Variants in TMEM98 observed in about 807,000 individuals in gnomAD.
TMEM98 encodes the protein transmembrane protein 98.
A neutral mutation model predicts 25.0 loss-of-function variants in TMEM98; 18 were observed. The ratio of observed to expected loss-of-function variants is 0.72; its 90% confidence interval spans 0.50 to 1.07. The LOEUF (loss-of-function observed/expected upper bound fraction) is 1.07. Among genes scored for constraint, TMEM98 ranks in the 50% least tolerant of loss-of-function variants. TMEM98 has a pLI of 0.00. For synonymous variants in TMEM98, 103 were observed against 112.4 expected (o/e 0.92, Z 0.53); for missense variants, 241 against 289.0 (o/e 0.83, Z 1.20).
intron 7 of TMEM98, among the ~76,000 whole-genome samples, chr17:32,940,479 G>T (rs928794092): frequency 6.6e-6 from 1 of 152,140 alleles, no homozygotes; most frequent in African/African-American, 2.4e-5. Flanking sequence ...ATGTTAATAG[G>T]TGTGCTGCAG....
chr17:32,938,679 A>G (rs1372879359), intron 6 of TMEM98, among the ~76,000 whole-genome samples: 4 of 152,118 alleles, frequency 2.6e-5, no homozygotes, highest in African/African-American at 9.7e-5. Flanking sequence ...TTTTTCCTGA[A>G]TACAAGAGTA....
chr17:32,934,174 C>G, intron 4 of TMEM98, 117 bp from the exon 5 acceptor site: 1 of 1,103,338 alleles, frequency 9.1e-7, no homozygotes, highest in Non-Finnish European at 1.4e-6. Flanking sequence ...TTCCCACTCT[C>G]AGTGGTTGGT....
At chr17:32,929,922 A>C (rs1331941941) in intron 1 of TMEM98, among the ~76,000 whole-genome samples, 1 of 151,958 alleles carries the variant, frequency 6.6e-6, no homozygotes, top group Non-Finnish European at 1.5e-5. Flanking sequence ...GTGGTTTGTC[A>C]CCTGTCTGCC....
At chr17:32,933,420 C>A in intron 4 of TMEM98, 115 bp downstream of exon 4, 1 of 1,422,576 alleles carries the variant, frequency 7.0e-7, no homozygotes, top group Non-Finnish European at 9.7e-7. Flanking sequence ...TTACTTGCTG[C>A]TCTTTCCTGT....
At chr17:32,937,850 C>G (rs995735517) in intron 6 of TMEM98, among the ~76,000 whole-genome samples, 1 of 152,166 alleles carries the variant, frequency 6.6e-6, no homozygotes, top group African/African-American at 2.4e-5. Flanking sequence ...CTCAGCCTCC[C>G]ACAGTGCTGG....
At chr17:32,938,887 C>CT (rs1452965489) in intron 6 of TMEM98, among the ~76,000 whole-genome samples, 2 of 152,096 alleles carry the variant, frequency 1.3e-5, no homozygotes, top group Non-Finnish European at 2.9e-5. Flanking sequence ...GGCAATTTGC[C>CT]TTTTTAATAT....
At chr17:32,932,694 T>C (rs1355109013) in intron 3 of TMEM98, among the ~76,000 whole-genome samples, 1 of 152,116 alleles carries the variant, frequency 6.6e-6, no homozygotes, top group African/African-American at 2.4e-5. Flanking sequence ...ACTTTTCCAG[T>C]GTAACTAGGA....
In TMEM98 at chr17:32,941,321, G is replaced by A. The variant is rs2091529989; in HGVS notation, c.*328G>A. ...TGAGCCACCGTCTAAGAAATCAAGAGGTTTCACATTAAAATTAGAATTTCT... is the reference window on the plus strand; with the variant it reads ...TGAGCCACCGTCTAAGAAATCAAGAAGTTTCACATTAAAATTAGAATTTCT... On this transcript the variant is annotated 3_prime_UTR_variant, in exon 8 of 8. Transcript: ENST00000579849. 5.2e-6 allele frequency: 1 copy of A among 192,290 alleles called. No individual in the cohort carries two copies. Among genetic ancestry groups the A allele is most frequent in the African/African-American group, 2.3e-5 (1 of 42,826 alleles). The allele number at this position is 192,290 out of a possible 1,614,324, so 11.9% of individuals were successfully genotyped here.
intron 7 of TMEM98, 69 bp from the exon 8 acceptor site, chr17:32,940,717 C>G: frequency 6.9e-7 from 1 of 1,456,946 alleles, no homozygotes. Context: ...AAAAGTCTAT[C>G]TATTTGGGCT....
intron 1 of TMEM98, among the ~76,000 whole-genome samples, chr17:32,930,733 A>G (rs74353814): frequency 3.1e-4 from 6 of 19,270 alleles, no homozygotes; most frequent in African/African-American, 1.0e-3. Flanking sequence ...GATTACTAAT[A>G]TGTCCACTTC....
Position 32,931,632 on chromosome 17 carries a change from G to C in TMEM98, c.104G>C (p.Arg35Pro), listed in dbSNP as rs775525737. The change falls in exon 3 of 8, where the codon CGA becomes CCA. Residue 35 changes from arginine (R) to proline (P), a missense_variant. Transcript: ENST00000579849. ...TGCAGGCAGCGCTACTGCCGGCCGCGAGACCTGCTGCAGCGCTATGATTCT... is the reference window on the plus strand; with the variant it reads ...TGCAGGCAGCGCTACTGCCGGCCGCCAGACCTGCTGCAGCGCTATGATTCT... ...LVCRQRYCRPRDLLQRYDSKP... is the reference protein window; with the variant it reads ...LVCRQRYCRPPDLLQRYDSKP... 1.8e-5 allele frequency: 29 copies of C among 1,605,484 alleles called. No individual in the cohort carries two copies. Among genetic ancestry groups the C allele is most frequent in the Non-Finnish European group, 2.5e-5 (29 of 1,176,604 alleles).
chr17:32,933,180 T>C lies in TMEM98; in HGVS notation c.138T>C (p.Ile46=). Residue 46 remains isoleucine, a synonymous_variant, in exon 4 of 8, where the codon ATT becomes ATC. Transcript: ENST00000579849. The part of the protein sequence containing the change: ...DLLQRYDSKP[I]VDLIGAMETQ... ...CGGGGGCCTTTTCTTCCAGGCCCAT[T>C]GTGGACCTCATTGGTGCCATGGAGA... 1 of 1,614,074 alleles carries C rather than the reference T, an allele frequency of 6.2e-7. No homozygotes were observed. Among genetic ancestry groups the C allele is most frequent in the Admixed American group, 1.7e-5 (1 of 60,018 alleles).
rs946509838 is a variant in TMEM98 at position 32,941,809 on chromosome 17, T to C, written c.*816T>C. On this transcript the variant is annotated 3_prime_UTR_variant, in exon 8 of 8. Transcript: ENST00000579849. ...GCTCACACCTGTAATCCTCGCACTT[T>C]GGGAGGCTAAGGTGGGTGGATTGCT... is the stretch of plus-strand genomic sequence containing the variant. 2 of 152,218 alleles carry C rather than the reference T, an allele frequency of 1.3e-5. No homozygotes were observed. The highest frequency in any genetic ancestry group is 4.8e-5 in the African/African-American group (2 of 41,432). 9.4% of individuals were successfully genotyped at this position (152,218 alleles called of 1,614,324 possible).
intron 7 of TMEM98, 70 bp downstream of exon 7, chr17:32,939,606 A>G: frequency 1.3e-6 from 2 of 1,588,710 alleles, no homozygotes. Context: ...CAGATCTGTG[A>G]GGCTGGCTGA....
At chr17:32,940,033 C>T (rs577916378) in intron 7 of TMEM98, among the ~76,000 whole-genome samples, 1 of 152,296 alleles carries the variant, frequency 6.6e-6, no homozygotes, top group South Asian at 2.1e-4. Flanking sequence ...ATACCAGATG[C>T]AACCCATTTA....
intron 7 of TMEM98, 88 bp downstream of exon 7, chr17:32,939,624 G>T (rs117644129): frequency 6.5e-7 from 1 of 1,545,902 alleles, no homozygotes; most frequent in South Asian, 1.1e-5. Flanking sequence ...TGACTGGCTT[G>T]TGTAGGGAGG....
Position 32,944,135 on chromosome 17 carries a change from C to T in TMEM98, c.*3142C>T, listed in dbSNP as rs1022914066. ...TCCCCTGGTGCTCCCCCTGACCTGC[C>T]TCATTCCAGGAGTTCCCTCTCCAGA... On this transcript the variant is annotated 3_prime_UTR_variant, in exon 8 of 8. Transcript: ENST00000579849. 6.6e-5 allele frequency: 10 copies of T among 152,206 alleles called. No homozygotes were observed. Among genetic ancestry groups the T allele is most frequent in the African/African-American group, 2.4e-4 (10 of 41,492 alleles). 9.4% of individuals were successfully genotyped at this position (152,206 alleles called of 1,614,324 possible).
chr17:32,933,722 G>C (rs1259932043), intron 4 of TMEM98, among the ~76,000 whole-genome samples: 1 of 152,174 alleles, frequency 6.6e-6, no homozygotes, highest in Non-Finnish European at 1.5e-5. Context: ...TCCATTCCCT[G>C]GTCCCATGTT....
chr17:32,944,238 G>A lies in TMEM98; in HGVS notation c.*3245G>A, dbSNP rs189163143. The A allele has an allele frequency of 5.9e-5, 9 of 152,344 alleles. No homozygotes were observed. Among genetic ancestry groups the A allele is most frequent in the African/African-American group, 1.9e-4 (8 of 41,582 alleles). The allele number at this position is 152,344 out of a possible 1,614,324, so 9.4% of individuals were successfully genotyped here. On this transcript the variant is annotated 3_prime_UTR_variant, in exon 8 of 8. Coordinates refer to ENST00000579849, the MANE Select transcript of TMEM98 (RefSeq NM_015544.3). ...GGCCCTGCATTGCTTTATGGCCTTG[G>A]AAATGTGGGGAAAGTGTCAGATGAA...
Sources: allele counts gnomAD v4.1 joint callset (sites outside exome capture counted in the v4.1 genomes callset), GRCh38; gene constraint gnomAD v4.1.1; transcripts MANE v1.5; gene names NCBI Gene and HGNC (gene_info 2026-07-23, HGNC 2026-07-21).